Variants in GRB10 observed in about 807,000 individuals in gnomAD.
GRB10 encodes the protein growth factor receptor-bound protein 10.
Under a neutral mutation model 80.9 loss-of-function variants are expected in GRB10, and 20 were observed. The observed-to-expected ratio is 0.25, with a 90% CI of 0.17 to 0.36. The LOEUF is 0.36. Ranked by LOEUF, GRB10 falls within the 10% of genes least tolerant of loss-of-function variation. GRB10 has a pLI of 1.00. For missense variants in GRB10, 548 were observed against 747.7 expected (o/e 0.73, Z 3.12); for synonymous variants, 291 against 291.5 (o/e 1.00, Z 0.02).
At chr7:50,631,903 G>C (rs2054068631) in intron 7 of GRB10, among the ~76,000 whole-genome samples, 1 of 152,120 alleles carries the variant, frequency 6.6e-6, no homozygotes, top group Non-Finnish European at 1.5e-5. Flanking sequence ...GATCTAACCA[G>C]GGCTCCCCGC....
intron 3 of GRB10, among the ~76,000 whole-genome samples, chr7:50,751,847 C>T (rs2074158322): frequency 6.6e-6 from 1 of 152,226 alleles, no homozygotes; most frequent in South Asian, 2.1e-4. Flanking sequence ...TTAAAGTCAC[C>T]TCAAACACTG....
At chr7:50,637,312 T>G (rs2055234285) in intron 7 of GRB10, among the ~76,000 whole-genome samples, 1 of 152,186 alleles carries the variant, frequency 6.6e-6, no homozygotes, top group Non-Finnish European at 1.5e-5. Flanking sequence ...ACTCCTAGAC[T>G]TGATAAACGA....
intron 3 of GRB10, among the ~76,000 whole-genome samples, chr7:50,745,950 T>C (rs2072816035): frequency 6.6e-6 from 1 of 152,208 alleles, no homozygotes; most frequent in Admixed American, 6.5e-5. Flanking sequence ...CTTAATCTCA[T>C]TCTTTTGGCA....
At chr7:50,747,397 A>G (rs1283331848) in intron 3 of GRB10, among the ~76,000 whole-genome samples, 1 of 152,228 alleles carries the variant, frequency 6.6e-6, no homozygotes, top group Non-Finnish European at 1.5e-5. Flanking sequence ...ATAAAGTCAA[A>G]TGTTTTCCTT....
intron 2 of GRB10, among the ~76,000 whole-genome samples, chr7:50,757,338 T>C (rs2075226001): frequency 1.3e-5 from 2 of 151,926 alleles, no homozygotes; most frequent in Admixed American, 1.3e-4. Context: ...TAGGACAGGG[T>C]TCAACGTATA....
chr7:50,710,731 TCACCTTCGGGGTATCTCCA>T (rs1252652243), intron 4 of GRB10: 1 of 843,892 alleles, frequency 1.2e-6, no homozygotes, highest in African/African-American at 1.7e-5. Flanking sequence ...GGCAACTGCC[TCACCTTCGGGGTATCTCCA>T]CACCTTCCTG....
At chr7:50,711,088 C>T in intron 4 of GRB10, 1 of 629,348 alleles carries the variant, frequency 1.6e-6, no homozygotes. Context: ...AAATGTCTTC[C>T]ACCTGGGAGA....
chr7:50,697,906 A>G (rs1453885152), intron 5 of GRB10, among the ~76,000 whole-genome samples: 1 of 152,210 alleles, frequency 6.6e-6, no homozygotes, highest in Admixed American at 6.5e-5. Flanking sequence ...ACAGACTCAC[A>G]GGGCTGTGAA....
intron 7 of GRB10, among the ~76,000 whole-genome samples, chr7:50,634,599 A>G (rs973208769): frequency 5.9e-5 from 9 of 152,246 alleles, no homozygotes; most frequent in African/African-American, 2.2e-4. Context: ...GGACTGGCAA[A>G]CTGGATAAAA....
intron 7 of GRB10, among the ~76,000 whole-genome samples, chr7:50,651,246 C>CA (rs2057971641): frequency 6.6e-6 from 1 of 152,196 alleles, no homozygotes; most frequent in South Asian, 2.1e-4. Context: ...CTCAGTGTCT[C>CA]ACAGTTTCGC....
chr7:50,593,495 C>T (rs760416153), intron 18 of GRB10, among the ~76,000 whole-genome samples: 4 of 152,082 alleles, frequency 2.6e-5, no homozygotes, highest in Non-Finnish European at 4.4e-5. Flanking sequence ...CCTCACTATA[C>T]GACCTCAGCC....
intron 3 of GRB10, among the ~76,000 whole-genome samples, chr7:50,753,690 G>A (rs1474600013): frequency 6.6e-6 from 1 of 152,196 alleles, no homozygotes; most frequent in Non-Finnish European, 1.5e-5. Flanking sequence ...GACCTGCTCT[G>A]TAAGCTGCCA....
At position 50,720,610 on chromosome 7, in the gene GRB10, T is replaced by C. The variant is rs538714879; in HGVS notation, c.51+11662A>G. On this transcript the variant is annotated intron_variant, in intron 4 of 18. Transcript: ENST00000401949. ...AACAGTGAAAGCAAGTCATCCCAAC[T>C]AAACATGCATGGTACAGGAATATAA... 2.0e-5 allele frequency among the ~76,000 whole-genome samples: 3 copies of C among 152,240 alleles called. No individual in the cohort carries two copies. The East Asian group carries it at 5.8e-4, about 29-fold the overall frequency.
Position 50,601,163 on chromosome 7 carries a change from G to T in GRB10, c.1544+2835C>A, listed in dbSNP as rs534144316. 2.6e-5 allele frequency among the ~76,000 whole-genome samples: 4 copies of T among 152,360 alleles called. No homozygotes were observed. In the South Asian group the frequency reaches 8.3e-4, roughly 32 times the overall value. On this transcript the variant is annotated intron_variant, in intron 17 of 18. Coordinates refer to ENST00000401949, the MANE Select transcript of GRB10 (RefSeq NM_001350814.2). ...GCACGCTACATTTGCTTAACGAGAG[G>T]CAGAAAACAAAATCTTTTCACTCGT... is the stretch of plus-strand genomic sequence containing the variant.
intron 5 of GRB10, among the ~76,000 whole-genome samples, chr7:50,698,826 CAT>C (rs541291925): frequency 7.2e-5 from 11 of 152,234 alleles, no homozygotes; most frequent in Non-Finnish European, 1.3e-4. Flanking sequence ...TTTCAAGTCA[CAT>C]GTGACAAAAC....
At chr7:50,792,859 C>G (rs1027548442) in intron 1 of GRB10, 1 of 150,134 alleles carries the variant, frequency 6.7e-6, no homozygotes, top group Non-Finnish European at 1.5e-5. Context: ...CCACAGCCCG[C>G]GAGCCGCCGG....
chr7:50,605,218 T>G, intron 15 of GRB10, 72 bp downstream of exon 15: 1 of 1,182,510 alleles, frequency 8.5e-7, no homozygotes, highest in South Asian at 1.2e-5. Context: ...GCTGTTCCTC[T>G]GGGAGAAGAC....
intron 7 of GRB10, among the ~76,000 whole-genome samples, chr7:50,646,323 C>T (rs962374557): frequency 2.0e-5 from 3 of 152,088 alleles, no homozygotes; most frequent in Admixed American, 2.0e-4. Flanking sequence ...TACCTCCATA[C>T]AACACAACAC....
chr7:50,789,367 C>T (rs928073167), intron 1 of GRB10, among the ~76,000 whole-genome samples: 6 of 152,206 alleles, frequency 3.9e-5, no homozygotes, highest in Non-Finnish European at 5.9e-5. Flanking sequence ...AGCTCTGCAT[C>T]GTGCCAATCA....
Sources: gnomAD v4.1 joint callset for allele counts (sites outside exome capture counted in the v4.1 genomes callset) on GRCh38, gnomAD v4.1.1 for gene constraint, MANE v1.5 for transcripts, NCBI Gene and HGNC (gene_info 2026-07-23, HGNC 2026-07-21) for gene names.